EPM2A: variants seen among roughly 807,000 people sequenced by gnomAD.
The protein encoded by EPM2A is EPM2A glucan phosphatase, laforin, also known as laforin.
In EPM2A, 21 loss-of-function variants were observed where a neutral mutation model predicts 26.5. The observed-to-expected ratio is 0.79, with a 90% CI of 0.56 to 1.14. The LOEUF is 1.14. Among genes scored for constraint, EPM2A ranks in the 50% most tolerant of loss-of-function variants. The pLI is 0.00. For synonymous variants in EPM2A, 217 were observed against 177.6 expected (o/e 1.22, Z -1.76); for missense variants, 458 against 440.8 (o/e 1.04, Z -0.35).
At chr6:145,390,132 G>A (rs1252110641) in intron 4 of EPM2A, among the ~76,000 whole-genome samples, 1 of 152,134 alleles carries the variant, frequency 6.6e-6, no homozygotes, top group Non-Finnish European at 1.5e-5. Context: ...TCTGTAGACA[G>A]AACAACTGAT....
chr6:145,708,236 G>A (rs73566121), intron 1 of EPM2A, among the ~76,000 whole-genome samples: 10,170 of 152,190 alleles, frequency 0.067, 1,143 homozygotes, highest in African/African-American at 0.23. Context: ...AAAGAAAAAC[G>A]CATTTTCTGG....
chr6:145,414,475 C>T (rs911629952), intron 4 of EPM2A, among the ~76,000 whole-genome samples: 4 of 152,016 alleles, frequency 2.6e-5, no homozygotes, highest in African/African-American at 9.7e-5. Flanking sequence ...AATCTAGGCT[C>T]TTTGCAAATT....
intron 2 of EPM2A, among the ~76,000 whole-genome samples, chr6:145,539,024 G>A (rs1231834971): frequency 2.0e-5 from 3 of 152,140 alleles, no homozygotes; most frequent in African/African-American, 2.4e-5. Context: ...TTGTACATAC[G>A]AGAGCCCTTT....
At chr6:145,493,661 T>G (rs1779783294) in intron 4 of EPM2A, among the ~76,000 whole-genome samples, 1 of 152,204 alleles carries the variant, frequency 6.6e-6, no homozygotes, top group Admixed American at 6.5e-5. Flanking sequence ...AGGTATGTTC[T>G]TTCAATACCT....
intron 2 of EPM2A, among the ~76,000 whole-genome samples, chr6:145,653,692 C>T (rs1307459936): frequency 6.6e-6 from 1 of 152,198 alleles, no homozygotes; most frequent in Non-Finnish European, 1.5e-5. Flanking sequence ...CAGGGAAGAG[C>T]TGCAGTTCAA....
At chr6:145,398,127 T>C (rs1778430737) in intron 4 of EPM2A, among the ~76,000 whole-genome samples, 1 of 152,154 alleles carries the variant, frequency 6.6e-6, no homozygotes, top group Non-Finnish European at 1.5e-5. Context: ...TTGCACCATG[T>C]TGAGATAGGC....
At chr6:145,719,817 T>G (rs1562520721) in intron 1 of EPM2A, among the ~76,000 whole-genome samples, 1 of 152,092 alleles carries the variant, frequency 6.6e-6, no homozygotes, top group Non-Finnish European at 1.5e-5. Context: ...CTTCCATGAG[T>G]TGAATAAGTG....
downstream of EPM2A, among the ~76,000 whole-genome samples, chr6:145,621,977 G>T (rs1191774424): frequency 6.6e-6 from 1 of 151,858 alleles, no homozygotes; most frequent in African/African-American, 2.4e-5. Flanking sequence ...TGCTTTTGTT[G>T]CCTGTGCTTT....
intron 4 of EPM2A, among the ~76,000 whole-genome samples, chr6:145,415,498 G>A (rs1322811711): frequency 1.3e-5 from 2 of 152,124 alleles, no homozygotes; most frequent in South Asian, 2.1e-4. Context: ...TAGTTAAGTC[G>A]TTTTACTTCC....
intron 3 of EPM2A, chr6:145,632,203 A>C (rs4896828): frequency 0.45 from 68,763 of 151,660 alleles, 16,099 homozygotes; most frequent in African/African-American, 0.55. Context: ...ACAAGGCTTT[A>C]GCCCAGTTGT....
At chr6:145,553,860 C>CAT (rs1780686938) in intron 2 of EPM2A, among the ~76,000 whole-genome samples, 1 of 146,864 alleles carries the variant, frequency 6.8e-6, no homozygotes, top group South Asian at 2.1e-4. Flanking sequence ...TATATAAATA[C>CAT]ATATATATTA....
chr6:145,670,927 C>T, intron 2 of EPM2A: 1 of 985,156 alleles, frequency 1.0e-6, no homozygotes, highest in Non-Finnish European at 1.2e-6. Context: ...AAGAATTCAA[C>T]AAAAAGGAGA....
At chr6:145,401,963 C>T (rs1314188607) in intron 4 of EPM2A, among the ~76,000 whole-genome samples, 7 of 151,882 alleles carry the variant, frequency 4.6e-5, no homozygotes, top group Non-Finnish European at 8.8e-5. Flanking sequence ...AAAGCCATCT[C>T]GTACATAATT....
intron 2 of EPM2A, among the ~76,000 whole-genome samples, chr6:145,669,087 T>C (rs1378338594): frequency 2.0e-5 from 3 of 152,178 alleles, no homozygotes; most frequent in Admixed American, 6.5e-5. Context: ...CAAGCTGATA[T>C]TTTCATCACT....
intron 1 of EPM2A, chr6:145,734,989 T>C (rs1038255912): frequency 2.5e-5 from 9 of 354,242 alleles, no homozygotes; most frequent in South Asian, 1.7e-4. Context: ...AGGGAATCAG[T>C]AGGAAGCCGG....
At chr6:145,469,543 GA>G (rs939371045) in intron 4 of EPM2A, among the ~76,000 whole-genome samples, 1 of 151,700 alleles carries the variant, frequency 6.6e-6, no homozygotes, top group Non-Finnish European at 1.5e-5. Context: ...GCAAAGATGT[GA>G]AAAAAAGGGA....
intron 2 of EPM2A, among the ~76,000 whole-genome samples, chr6:145,584,539 T>G (rs1028603879): frequency 5.3e-5 from 8 of 152,274 alleles, no homozygotes; most frequent in Middle Eastern, 3.4e-3. Context: ...TGCCAAAACC[T>G]CTGGGCTCCA....
At chr6:145,673,860 GA>G (rs1310880842) in intron 2 of EPM2A, among the ~76,000 whole-genome samples, 5 of 152,108 alleles carry the variant, frequency 3.3e-5, no homozygotes, top group Non-Finnish European at 7.4e-5. Context: ...GGACATAGCT[GA>G]AAAAAAGGCA....
intron 2 of EPM2A, among the ~76,000 whole-genome samples, chr6:145,578,841 T>G (rs1781072687): frequency 1.3e-5 from 2 of 152,154 alleles, no homozygotes; most frequent in Non-Finnish European, 2.9e-5. Flanking sequence ...ATCTTTACCC[T>G]CATCTTCAGG....
Sources: allele counts gnomAD v4.1 joint callset (sites outside exome capture counted in the v4.1 genomes callset), GRCh38; gene constraint gnomAD v4.1.1; transcripts MANE v1.5; gene names NCBI Gene and HGNC (gene_info 2026-07-23, HGNC 2026-07-21).